MYPN: variants seen among roughly 807,000 people sequenced by gnomAD.
MYPN encodes the protein sarcomeric protein myopalladin, 145 kDa (MYOP).
MYPN carries 63 observed loss-of-function variants against 129.4 expected under a neutral mutation model. The ratio of observed to expected loss-of-function variants is 0.49; its 90% CI spans 0.40 to 0.60. The LOEUF (loss-of-function observed/expected upper bound fraction) is 0.60, where lower values mean the gene tolerates loss of function less well. Ranked by LOEUF, MYPN falls within the 20% of genes least tolerant of loss-of-function variation. The pLI is 0.00. For missense variants in MYPN, 1,596 were observed against 1,635.4 expected (o/e 0.98, Z 0.42); for synonymous variants, 629 against 600.9 (o/e 1.05, Z -0.68).
At chr10:68,180,722 A>G (rs1049424105) in intron 12 of MYPN, among the ~76,000 whole-genome samples, 3 of 152,224 alleles carry the variant, frequency 2.0e-5, no homozygotes, top group Non-Finnish European at 2.9e-5. Context: ...GAGCTCAGGC[A>G]GTGACTGTTG....
In MYPN at chr10:68,211,388, C is replaced by T. The variant is rs1037113359; in HGVS notation, c.*933C>T. 3 of 454,000 alleles carry T rather than the reference C, an allele frequency of 6.6e-6. No homozygotes were observed. The East Asian group carries it at 2.1e-4, about 32-fold the overall frequency. The allele number at this position is 454,000 out of a possible 1,614,324, so 28.1% of individuals were successfully genotyped here. ...AAAGTGTAGGAGGAAGGAAGAGATA[C>T]AAACAAGGAGAGGAAATGATGGGAG... On this transcript the variant is annotated 3_prime_UTR_variant, in exon 20 of 20. Coordinates refer to ENST00000358913, the MANE Select transcript of MYPN (RefSeq NM_032578.4).
chr10:68,168,176 T>G (rs2043083423), intron 10 of MYPN, among the ~76,000 whole-genome samples: 2 of 152,182 alleles, frequency 1.3e-5, no homozygotes, highest in Admixed American at 6.5e-5. Context: ...ACTAAATCAG[T>G]CTCAGCCCCT....
At chr10:68,172,587 A>G (rs1187799874) in intron 10 of MYPN, among the ~76,000 whole-genome samples, 1 of 152,224 alleles carries the variant, frequency 6.6e-6, no homozygotes, top group Non-Finnish European at 1.5e-5. Flanking sequence ...AGACCATTGA[A>G]TTCAATGGAC....
At chr10:68,132,712 T>C (rs1180004761) in intron 2 of MYPN, among the ~76,000 whole-genome samples, 1 of 152,114 alleles carries the variant, frequency 6.6e-6, no homozygotes, top group African/African-American at 2.4e-5. Context: ...AGGGGGGATA[T>C]AGGGCAGTCA....
intron 15 of MYPN, among the ~76,000 whole-genome samples, chr10:68,197,027 G>A (rs2043618622): frequency 6.6e-6 from 1 of 152,102 alleles, no homozygotes. Context: ...TGATCTATTT[G>A]TTTATTTTGA....
intron 1 of MYPN, among the ~76,000 whole-genome samples, chr10:68,096,323 G>T (rs1056409289): frequency 6.6e-5 from 10 of 152,180 alleles, no homozygotes; most frequent in Non-Finnish European, 1.0e-4. Flanking sequence ...TCTGACTTTG[G>T]GAGGTTGAGG....
chr10:68,145,449 C>A, intron 3 of MYPN, 26 bp from the exon 4 acceptor site: 1 of 1,598,754 alleles, frequency 6.3e-7, no homozygotes, highest in South Asian at 1.1e-5. Flanking sequence ...TCTTAACAAT[C>A]TTATGTCTTG....
At chr10:68,094,349 C>T (rs2041945502) in intron 1 of MYPN, among the ~76,000 whole-genome samples, 1 of 151,940 alleles carries the variant, frequency 6.6e-6, no homozygotes, top group Non-Finnish European at 1.5e-5. Context: ...ACTGCAACCT[C>T]TGCCTCCCAG....
intron 7 of MYPN, 87 bp from the exon 8 acceptor site, chr10:68,161,642 C>A: frequency 2.0e-6 from 2 of 1,022,342 alleles, no homozygotes; most frequent in Non-Finnish European, 3.1e-6. Context: ...GTGCAAGAGA[C>A]TGTGAAATTC....
At chr10:68,111,139 G>A (rs1334938067) in intron 1 of MYPN, among the ~76,000 whole-genome samples, 2 of 152,218 alleles carry the variant, frequency 1.3e-5, no homozygotes, top group Non-Finnish European at 2.9e-5. Context: ...ATGGACACAA[G>A]AAGTTGAATG....
At chr10:68,140,342 A>G (rs1457002659) in intron 2 of MYPN, among the ~76,000 whole-genome samples, 1 of 152,194 alleles carries the variant, frequency 6.6e-6, no homozygotes. Context: ...GAGAGAGTAT[A>G]TAGAAAACTG....
chr10:68,142,790 T>A, intron 2 of MYPN, 150 bp from the exon 3 acceptor site: 1 of 782,622 alleles, frequency 1.3e-6, no homozygotes, highest in Middle Eastern at 2.7e-4. Flanking sequence ...CTCTTCTCAC[T>A]GTTACAAAAA....
chr10:68,126,970 G>C (rs570288347), intron 2 of MYPN, among the ~76,000 whole-genome samples: 133 of 152,304 alleles, frequency 8.7e-4, no homozygotes, highest in African/African-American at 2.8e-3. Flanking sequence ...TCTCCTAGTT[G>C]GTTCAGTCCA....
chr10:68,197,386 C>T lies in MYPN; in HGVS notation c.3193C>T (p.Pro1065Ser), dbSNP rs1423549696. 1.9e-6 allele frequency: 3 copies of T among 1,613,864 alleles called. No individual in the cohort carries two copies. The highest frequency in any genetic ancestry group is 2.2e-5 in the East Asian group (1 of 44,878). ...CCGAGTGCAAGAAAGAGACAAAGAGCCCCTACAGGAACGCTTTTTCCGACC... is the reference window on the plus strand; with the variant it reads ...CCGAGTGCAAGAAAGAGACAAAGAGTCCCTACAGGAACGCTTTTTCCGACC... ...RSRVQERDKE[P>S]LQERFFRPHF... The change falls in exon 16 of 20, where the codon CCC becomes TCC. Residue 1065 changes from proline (P) to serine (S), a missense_variant. By Grantham distance (74) the Pro-to-Ser change is moderately conservative (BLOSUM62 -1). Coordinates refer to ENST00000358913, the MANE Select transcript of MYPN (RefSeq NM_032578.4).
rs2042229643 is a variant in MYPN at position 68,120,779 on chromosome 10, TAA to T, written c.-1-656_-1-655del. On this transcript the variant is annotated intron_variant, in intron 1 of 19. Transcript: ENST00000358913. ...TCTGTGTATGAAAGCACTGTATAAC[TAA>T]AAGACCATTATCGACATTATCAATA... Among the ~76,000 whole-genome samples, 8 of 152,298 alleles carry T rather than the reference TAA, an allele frequency of 5.3e-5. No homozygotes were observed. The South Asian group carries it at 1.7e-3, about 32-fold the overall frequency.
chr10:68,173,833 T>TTTC (rs1491132504), intron 10 of MYPN, among the ~76,000 whole-genome samples: 1 of 53,790 alleles, frequency 1.9e-5, no homozygotes, highest in East Asian at 1.6e-3. Context: ...GTATATATAA[T>TTTC]TTTTTTTTTT....
intron 10 of MYPN, among the ~76,000 whole-genome samples, chr10:68,171,839 G>T (rs373461067): frequency 1.3e-5 from 2 of 152,302 alleles, no homozygotes; most frequent in South Asian, 2.1e-4. Context: ...GAAAGTCATC[G>T]AATGGGTAGT....
At chr10:68,132,079 A>G (rs1295568737) in intron 2 of MYPN, among the ~76,000 whole-genome samples, 5 of 152,178 alleles carry the variant, frequency 3.3e-5, no homozygotes, top group South Asian at 2.1e-4. Flanking sequence ...TTTCTGTTCA[A>G]TACATGCTCT....
upstream of MYPN, among the ~76,000 whole-genome samples, chr10:68,102,689 C>A (rs2041987669): frequency 6.6e-6 from 1 of 152,052 alleles, no homozygotes; most frequent in Non-Finnish European, 1.5e-5. Context: ...TGCAGGTGAA[C>A]TGCTCTTTAC....
Sources: gnomAD v4.1 joint callset for allele counts (sites outside exome capture counted in the v4.1 genomes callset) on GRCh38, gnomAD v4.1.1 for gene constraint, MANE v1.5 for transcripts, NCBI Gene and HGNC (gene_info 2026-07-23, HGNC 2026-07-21) for gene names.